Variants in RASAL2 observed in about 807,000 individuals in gnomAD.
RASAL2 encodes the protein ras GTPase-activating protein nGAP.
In RASAL2, 58 loss-of-function variants were observed where a neutral mutation model predicts 128.9. The observed-to-expected ratio is 0.45, with a 90% CI of 0.36 to 0.56. The LOEUF (loss-of-function observed/expected upper bound fraction) is 0.56, where lower values mean the gene tolerates loss of function less well. Ranked by LOEUF, RASAL2 falls within the 20% of genes least tolerant of loss-of-function variation. The pLI, the probability that RASAL2 is intolerant of heterozygous loss-of-function variation, is 0.00. For synonymous variants in RASAL2, 561 were observed against 580.8 expected (o/e 0.97, Z 0.49); for missense variants, 1,360 against 1,601.6 (o/e 0.85, Z 2.57).
chr1:178,179,939 A>G (rs1662029563), intron 1 of RASAL2, among the ~76,000 whole-genome samples: 1 of 152,228 alleles, frequency 6.6e-6, no homozygotes, highest in Non-Finnish European at 1.5e-5. Context: ...ATGCCATTGT[A>G]CATTCAACGT....
At chr1:178,197,911 C>G (rs1455819156) in intron 1 of RASAL2, among the ~76,000 whole-genome samples, 1 of 152,136 alleles carries the variant, frequency 6.6e-6, no homozygotes, top group Non-Finnish European at 1.5e-5. Context: ...CAACTATTCT[C>G]ATTGTTCAGT....
At position 178,180,307 on chromosome 1, in the gene RASAL2, C is replaced by A. The variant is rs910615592; in HGVS notation, c.202+85613C>A. ...ACAATGCATTATTAATTTTAGAAAT[C>A]TTTCCCTTTACCATTCTTGCAAAAT... is the stretch of plus-strand genomic sequence containing the variant. On this transcript the variant is annotated intron_variant, in intron 1 of 17. Transcript: ENST00000367649. 5.5e-4 allele frequency among the ~76,000 whole-genome samples: 83 copies of A among 151,944 alleles called. 1 individual carries two copies. The highest frequency in any genetic ancestry group is 3.4e-3 in the Middle Eastern group (1 of 294).
intron 1 of RASAL2, among the ~76,000 whole-genome samples, chr1:178,269,986 G>C (rs1167994385): frequency 1.3e-5 from 2 of 152,044 alleles, no homozygotes; most frequent in African/African-American, 4.8e-5. Context: ...AATTTTTGAG[G>C]CCTTGATTAT....
At chr1:178,383,761 C>T (rs772455108) in intron 3 of RASAL2, among the ~76,000 whole-genome samples, 3 of 152,174 alleles carry the variant, frequency 2.0e-5, no homozygotes, top group Non-Finnish European at 2.9e-5. Flanking sequence ...TCAGAATTCA[C>T]AGCATGGAGA....
At chr1:178,377,710 C>T (rs1484327083) in intron 3 of RASAL2, among the ~76,000 whole-genome samples, 1 of 151,968 alleles carries the variant, frequency 6.6e-6, no homozygotes, top group Admixed American at 6.6e-5. Context: ...GGGGGAAAAA[C>T]ATCCTGAGAA....
intron 1 of RASAL2, among the ~76,000 whole-genome samples, chr1:178,191,185 C>A (rs1266320745): frequency 6.6e-6 from 1 of 152,056 alleles, no homozygotes; most frequent in Non-Finnish European, 1.5e-5. Context: ...TTAGCATACA[C>A]TCTAGAACTC....
chr1:178,342,570 C>G (rs927782145), intron 3 of RASAL2, among the ~76,000 whole-genome samples: 5 of 152,012 alleles, frequency 3.3e-5, no homozygotes, highest in Non-Finnish European at 7.4e-5. Context: ...AAATATTTAT[C>G]AAGAGGAAAA....
chr1:178,257,518 C>T (rs969737823), intron 1 of RASAL2, among the ~76,000 whole-genome samples: 4 of 151,858 alleles, frequency 2.6e-5, no homozygotes, highest in African/African-American at 9.7e-5. Flanking sequence ...CAAGACCACT[C>T]ATCATAAGAG....
intron 1 of RASAL2, among the ~76,000 whole-genome samples, chr1:178,229,362 C>T (rs1663911623): frequency 6.6e-6 from 1 of 152,172 alleles, no homozygotes; most frequent in African/African-American, 2.4e-5. Flanking sequence ...AATCCAAAAT[C>T]ATGCATTGCT....
intron 3 of RASAL2, among the ~76,000 whole-genome samples, chr1:178,304,964 C>T (rs1213490321): frequency 6.6e-6 from 1 of 152,048 alleles, no homozygotes; most frequent in African/African-American, 2.4e-5. Context: ...TTACAGGATA[C>T]CAAATCAGCA....
At chr1:178,452,326 A>T in intron 10 of RASAL2, 90 bp from the exon 11 acceptor site, 1 of 1,149,346 alleles carries the variant, frequency 8.7e-7, no homozygotes. Context: ...CTGACTCTTA[A>T]GCAAAAGTAT....
intron 9 of RASAL2, among the ~76,000 whole-genome samples, chr1:178,448,296 A>T (rs1677151985): frequency 6.6e-6 from 1 of 152,216 alleles, no homozygotes. Flanking sequence ...AAGAAAAAGA[A>T]TGGATATTGC....
At chr1:178,404,091 T>C (rs1673823968) in intron 4 of RASAL2, among the ~76,000 whole-genome samples, 1 of 151,218 alleles carries the variant, frequency 6.6e-6, no homozygotes, top group Admixed American at 6.6e-5. Flanking sequence ...CCGGGCATGG[T>C]GGTGGGCGCC....
intron 1 of RASAL2, among the ~76,000 whole-genome samples, chr1:178,098,519 C>T (rs1489181358): frequency 6.6e-6 from 1 of 152,096 alleles, no homozygotes; most frequent in Non-Finnish European, 1.5e-5. Context: ...AATACTTTAC[C>T]ATGAATGGAT....
chr1:178,454,731 T>G, intron 12 of RASAL2, 83 bp downstream of exon 12: 1 of 1,229,280 alleles, frequency 8.1e-7, no homozygotes, highest in Admixed American at 2.0e-5. Flanking sequence ...ACTCACTCTT[T>G]CTGCTAATTG....
intron 3 of RASAL2, among the ~76,000 whole-genome samples, chr1:178,352,348 T>A (rs1212536003): frequency 6.6e-6 from 1 of 152,236 alleles, no homozygotes; most frequent in Non-Finnish European, 1.5e-5. Context: ...GCAAGTATTC[T>A]TGGGGCAAAC....
intron 1 of RASAL2, among the ~76,000 whole-genome samples, chr1:178,178,107 GCTT>G (rs374569379): frequency 2.1e-4 from 32 of 152,132 alleles, no homozygotes; most frequent in African/African-American, 7.2e-4. Context: ...CAGTTTGAGT[GCTT>G]CTTAACACTA....
At chr1:178,283,376 A>G (rs1049323432) in intron 1 of RASAL2, among the ~76,000 whole-genome samples, 188 bp from the exon 2 acceptor site, 3 of 152,128 alleles carry the variant, frequency 2.0e-5, no homozygotes, top group Admixed American at 2.0e-4. Context: ...TGAAGGTCAT[A>G]GGGCTATTTT....
At chr1:178,263,357 A>G (rs1665785390) in intron 1 of RASAL2, among the ~76,000 whole-genome samples, 3 of 152,320 alleles carry the variant, frequency 2.0e-5, no homozygotes, top group Admixed American at 6.5e-5. Flanking sequence ...ACATTCCTAC[A>G]TAGTAGAAAC....
Sources: gnomAD v4.1 joint callset for allele counts (sites outside exome capture counted in the v4.1 genomes callset) on GRCh38, gnomAD v4.1.1 for gene constraint, MANE v1.5 for transcripts, NCBI Gene and HGNC (gene_info 2026-07-23, HGNC 2026-07-21) for gene names.